IGF2BP2: variants seen among roughly 807,000 people sequenced by gnomAD.
The protein encoded by IGF2BP2 is insulin-like growth factor 2 mRNA-binding protein 2.
A neutral mutation model predicts 75.8 loss-of-function variants in IGF2BP2; 17 were observed. That is an observed-to-expected ratio of 0.22 (90% CI 0.15 to 0.34). IGF2BP2 has a LOEUF of 0.34. Ranked by LOEUF, IGF2BP2 falls within the 10% of genes least tolerant of loss-of-function variation. The pLI is 1.00. For missense variants in IGF2BP2, 516 were observed against 772.4 expected (o/e 0.67, Z 3.93); for synonymous variants, 288 against 295.6 (o/e 0.97, Z 0.26).
intron 2 of IGF2BP2, among the ~76,000 whole-genome samples, chr3:185,820,038 C>T (rs553323333): frequency 1.2e-4 from 18 of 151,980 alleles, no homozygotes; most frequent in Admixed American, 2.6e-4. Flanking sequence ...CTATCTCATA[C>T]TATTCACACC....
intron 2 of IGF2BP2, among the ~76,000 whole-genome samples, chr3:185,822,633 C>T (rs1741508537): frequency 6.6e-6 from 1 of 152,198 alleles, no homozygotes; most frequent in Admixed American, 6.5e-5. Context: ...TTTTAACTGC[C>T]ATCCAATCCA....
intron 2 of IGF2BP2, among the ~76,000 whole-genome samples, chr3:185,767,082 C>T (rs181266619): frequency 3.2e-4 from 48 of 152,266 alleles, no homozygotes; most frequent in African/African-American, 1.1e-3. Flanking sequence ...CAACTGTGGA[C>T]CCAGTGGCTT....
intron 2 of IGF2BP2, among the ~76,000 whole-genome samples, chr3:185,752,466 T>A (rs1430404714): frequency 1.3e-5 from 2 of 152,226 alleles, no homozygotes; most frequent in Non-Finnish European, 2.9e-5. Flanking sequence ...TATACTCCAA[T>A]ACAGCTGAAA....
At chr3:185,664,876 A>G (rs1717041210) in intron 10 of IGF2BP2, among the ~76,000 whole-genome samples, 1 of 152,188 alleles carries the variant, frequency 6.6e-6, no homozygotes, top group South Asian at 2.1e-4. Flanking sequence ...AAAATTAATT[A>G]TGGAAGGAAA....
At chr3:185,757,654 G>GTTTT (rs1731811895) in intron 2 of IGF2BP2, among the ~76,000 whole-genome samples, 1 of 151,748 alleles carries the variant, frequency 6.6e-6, no homozygotes, top group African/African-American at 2.4e-5. Context: ...TTGTAGAGAT[G>GTTTT]GGGTTTCGCC....
chr3:185,646,854 A>G (rs554503570), intron 15 of IGF2BP2, 171 bp downstream of exon 15: 24 of 615,874 alleles, frequency 3.9e-5, no homozygotes, highest in African/African-American at 3.3e-4. Context: ...GTGTGAAACA[A>G]TGTCCCCTGC....
At chr3:185,696,750 T>C in intron 3 of IGF2BP2, 87 bp from the exon 4 acceptor site, 1 of 1,063,714 alleles carries the variant, frequency 9.4e-7, no homozygotes, top group Non-Finnish European at 1.4e-6. Context: ...GCAAACAAAT[T>C]AAAGGAAAAA....
At chr3:185,745,532 C>T (rs898848204) in intron 2 of IGF2BP2, among the ~76,000 whole-genome samples, 1 of 152,142 alleles carries the variant, frequency 6.6e-6, no homozygotes, top group African/African-American at 2.4e-5. Flanking sequence ...GTTGGTCTGA[C>T]AAACCAGTGG....
chr3:185,675,094 T>G (rs571239814), intron 9 of IGF2BP2: 4 of 409,772 alleles, frequency 9.8e-6, no homozygotes, highest in South Asian at 1.4e-4. Flanking sequence ...TCTTCAAAGT[T>G]ATAATTTTAA....
intron 2 of IGF2BP2, chr3:185,724,940 A>G (rs992103627): frequency 1.3e-5 from 2 of 152,198 alleles, no homozygotes; most frequent in South Asian, 4.1e-4. Context: ...TTTCTTAGGA[A>G]TGCTTGCTCT....
chr3:185,809,151 T>G (rs754772864), intron 2 of IGF2BP2, among the ~76,000 whole-genome samples: 3 of 152,062 alleles, frequency 2.0e-5, no homozygotes, highest in Non-Finnish European at 4.4e-5. Flanking sequence ...TTTTCTTCTG[T>G]GATTCCCAGT....
intron 2 of IGF2BP2, among the ~76,000 whole-genome samples, chr3:185,716,287 T>G (rs2149442135): frequency 6.6e-6 from 1 of 152,354 alleles, no homozygotes; most frequent in South Asian, 2.1e-4. Context: ...CAGCATATTT[T>G]TGGAATTCTT....
chr3:185,796,282 G>A (rs1045211319), intron 2 of IGF2BP2, among the ~76,000 whole-genome samples: 31 of 152,196 alleles, frequency 2.0e-4, no homozygotes, highest in African/African-American at 7.2e-4. Context: ...CCAGGGATAG[G>A]CGGGGCATGG....
rs941295279 is a variant in IGF2BP2 at position 185,643,287 on chromosome 3, C to A, written c.*2244G>T. 2.6e-5 allele frequency among the ~76,000 whole-genome samples: 4 copies of A among 152,300 alleles called. No homozygotes were observed. Among genetic ancestry groups the A allele is most frequent in the Admixed American group, 1.3e-4 (2 of 15,306 alleles). ...AACTGCCGGGCATATTATCCTCCCC[C>A]TTTCCTCCACTTAAAAAGCAGCTTT... On this transcript the variant is annotated 3_prime_UTR_variant, in exon 16 of 16. Transcript: ENST00000382199.
intron 2 of IGF2BP2, among the ~76,000 whole-genome samples, chr3:185,811,599 T>C (rs893267612): frequency 3.3e-5 from 5 of 152,170 alleles, no homozygotes; most frequent in African/African-American, 1.2e-4. Context: ...GCCCTACATT[T>C]CCAAATGGCA....
intron 2 of IGF2BP2, among the ~76,000 whole-genome samples, chr3:185,808,499 T>C (rs1023971947): frequency 6.6e-6 from 1 of 152,014 alleles, no homozygotes; most frequent in Non-Finnish European, 1.5e-5. Context: ...TAAATAATAA[T>C]AATTTTAAAA....
At chr3:185,798,787 CT>C (rs1260800467) in intron 2 of IGF2BP2, among the ~76,000 whole-genome samples, 13 of 133,146 alleles carry the variant, frequency 9.8e-5, no homozygotes, top group African/African-American at 3.4e-4. Flanking sequence ...TTTCTTTTTT[CT>C]TTTTTTCTTT....
chr3:185,734,964 C>A (rs1397555996), intron 2 of IGF2BP2, among the ~76,000 whole-genome samples: 2 of 152,182 alleles, frequency 1.3e-5, no homozygotes, highest in African/African-American at 4.8e-5. Flanking sequence ...ACTGTAATAG[C>A]GAAGACAGCG....
intron 14 of IGF2BP2, among the ~76,000 whole-genome samples, chr3:185,648,631 G>A (rs1314843529): frequency 6.6e-6 from 1 of 152,106 alleles, no homozygotes; most frequent in Non-Finnish European, 1.5e-5. Context: ...GAACTTCTCA[G>A]TGGTCATCTC....
Sources: gnomAD v4.1 joint callset for allele counts (sites outside exome capture counted in the v4.1 genomes callset) on GRCh38, gnomAD v4.1.1 for gene constraint, MANE v1.5 for transcripts, NCBI Gene and HGNC (gene_info 2026-07-23, HGNC 2026-07-21) for gene names.